SPIDR: variants seen among roughly 807,000 people sequenced by gnomAD.
SPIDR encodes the protein scaffold protein involved in DNA repair.
Under a neutral mutation model 104.6 loss-of-function variants are expected in SPIDR, and 93 were observed. The observed-to-expected ratio is 0.89, with a 90% CI of 0.75 to 1.06. SPIDR has a LOEUF of 1.06. Among genes scored for constraint, SPIDR ranks in the 50% least tolerant of loss-of-function variants. The pLI, the probability that SPIDR is intolerant of heterozygous loss-of-function variation, is 0.00. For synonymous variants in SPIDR, 431 were observed against 416.9 expected (o/e 1.03, Z -0.41); for missense variants, 1,154 against 1,111.2 (o/e 1.04, Z -0.55).
At chr8:47,453,875 A>G (rs987744545) in intron 8 of SPIDR, among the ~76,000 whole-genome samples, 4 of 152,224 alleles carry the variant, frequency 2.6e-5, no homozygotes, top group Admixed American at 6.5e-5. Flanking sequence ...GACACATGAA[A>G]AAATGCTCAT....
intron 5 of SPIDR, among the ~76,000 whole-genome samples, chr8:47,363,199 C>CTTTTTTTTTTT (rs34705214): frequency 1.6e-4 from 13 of 79,694 alleles, no homozygotes; most frequent in African/African-American, 2.1e-4. Flanking sequence ...CTTTATCTCT[C>CTTTTTTTTTTT]TTTTTTTTTT....
chr8:47,693,997 C>T (rs960648717), intron 11 of SPIDR, among the ~76,000 whole-genome samples: 5 of 152,190 alleles, frequency 3.3e-5, no homozygotes, highest in African/African-American at 7.2e-5. Context: ...CCTTTCCGGT[C>T]CAGAGAGACT....
intron 9 of SPIDR, among the ~76,000 whole-genome samples, chr8:47,597,045 C>G (rs1416711729): frequency 6.6e-6 from 1 of 152,128 alleles, no homozygotes; most frequent in Admixed American, 6.5e-5. Context: ...TCTGAAGTAC[C>G]TGTCTAAGGA....
At chr8:47,615,071 A>AT (rs879305298) in intron 10 of SPIDR, among the ~76,000 whole-genome samples, 1,914 of 144,252 alleles carry the variant, frequency 0.013, 35 homozygotes, top group African/African-American at 0.042. Context: ...AGAAGTTTTA[A>AT]TTTTTTTTTT....
At chr8:47,546,866 C>T (rs1350756981) in intron 8 of SPIDR, 3 of 396,202 alleles carry the variant, frequency 7.6e-6, no homozygotes, top group Non-Finnish European at 1.5e-5. Flanking sequence ...GAGGCGTATA[C>T]GTTTCCTCAG....
intron 16 of SPIDR, among the ~76,000 whole-genome samples, chr8:47,719,627 T>C (rs752807486): frequency 2.0e-5 from 3 of 152,116 alleles, no homozygotes; most frequent in Non-Finnish European, 2.9e-5. Flanking sequence ...GCCCAGGCAC[T>C]GGGCTAACAA....
intron 10 of SPIDR, among the ~76,000 whole-genome samples, chr8:47,637,308 G>A (rs554934646): frequency 2.0e-5 from 3 of 152,242 alleles, no homozygotes; most frequent in Admixed American, 6.5e-5. Context: ...GGTGGCTTAC[G>A]CCTGCAATCC....
intron 5 of SPIDR, among the ~76,000 whole-genome samples, chr8:47,382,018 T>G (rs1554645677): frequency 6.6e-6 from 1 of 152,254 alleles, no homozygotes; most frequent in Admixed American, 6.5e-5. Context: ...TTGCTCTTGG[T>G]GTGACCTTTC....
chr8:47,496,235 A>G (rs1234388340), intron 8 of SPIDR, among the ~76,000 whole-genome samples: 1 of 152,142 alleles, frequency 6.6e-6, no homozygotes, highest in African/African-American at 2.4e-5. Flanking sequence ...AATGTCGAAT[A>G]GAAGTGTCAG....
rs553296666 is a variant in SPIDR at position 47,266,029 on chromosome 8, C to T, written c.33+5038C>T. Among the ~76,000 whole-genome samples the T allele has an allele frequency of 7.9e-5, 12 of 151,730 alleles. No homozygotes were observed. In the East Asian group the frequency reaches 1.7e-3, roughly 22 times the overall value. ...CATCCCAAAGTGCTGGGATGACAGGCGTGAGCCACCATGCCCGGTCTGAAG... is the reference window on the plus strand; with the variant it reads ...CATCCCAAAGTGCTGGGATGACAGGTGTGAGCCACCATGCCCGGTCTGAAG... On this transcript the variant is annotated intron_variant, in intron 1 of 19. Transcript: ENST00000297423.
chr8:47,530,710 C>G (rs1338846915), intron 8 of SPIDR, among the ~76,000 whole-genome samples: 1 of 151,682 alleles, frequency 6.6e-6, no homozygotes, highest in Non-Finnish European at 1.5e-5. Flanking sequence ...CTAGGCTACA[C>G]TAAATTTATA....
At chr8:47,553,534 A>G (rs1253097992) in intron 8 of SPIDR, among the ~76,000 whole-genome samples, 1 of 152,196 alleles carries the variant, frequency 6.6e-6, no homozygotes, top group Non-Finnish European at 1.5e-5. Flanking sequence ...AGTTGATTGA[A>G]TCAGCTTCTG....
intron 12 of SPIDR, among the ~76,000 whole-genome samples, chr8:47,701,431 A>G (rs1394016745): frequency 6.6e-6 from 1 of 152,212 alleles, no homozygotes; most frequent in Non-Finnish European, 1.5e-5. Context: ...CTGTCTCAAA[A>G]AAAAGCCATT....
intron 10 of SPIDR, among the ~76,000 whole-genome samples, chr8:47,632,278 T>C (rs1383360373): frequency 1.3e-5 from 2 of 152,172 alleles, no homozygotes; most frequent in Non-Finnish European, 2.9e-5. Context: ...TTTCGCCTAC[T>C]CTGAAATTTG....
chr8:47,297,070 C>G (rs2040979747), intron 5 of SPIDR, among the ~76,000 whole-genome samples: 1 of 152,134 alleles, frequency 6.6e-6, no homozygotes, highest in Non-Finnish European at 1.5e-5. Context: ...GATTTTGTAT[C>G]CTGCAACTTT....
intron 8 of SPIDR, among the ~76,000 whole-genome samples, chr8:47,456,463 T>C (rs1554709870): frequency 6.6e-6 from 1 of 152,154 alleles, no homozygotes; most frequent in Non-Finnish European, 1.5e-5. Flanking sequence ...TTTAAAACTT[T>C]CAAATTACCG....
At chr8:47,514,780 GTTATAT>G (rs2082867576) in intron 8 of SPIDR, among the ~76,000 whole-genome samples, 1 of 152,120 alleles carries the variant, frequency 6.6e-6, no homozygotes, top group Non-Finnish European at 1.5e-5. Context: ...TATACTACAA[GTTATAT>G]TTGTATGTGC....
chr8:47,545,716 T>C (rs1307780596), intron 8 of SPIDR, among the ~76,000 whole-genome samples: 2 of 152,180 alleles, frequency 1.3e-5, no homozygotes, highest in Admixed American at 1.3e-4. Context: ...TTCCTAATCT[T>C]AGAGGAAAGT....
At chr8:47,413,833 C>A (rs961538559) in intron 7 of SPIDR, among the ~76,000 whole-genome samples, 4 of 152,044 alleles carry the variant, frequency 2.6e-5, no homozygotes, top group Non-Finnish European at 4.4e-5. Context: ...ATAAAAAAAA[C>A]TGTAGGTTGA....
Sources: gnomAD v4.1 joint callset for allele counts (sites outside exome capture counted in the v4.1 genomes callset) on GRCh38, gnomAD v4.1.1 for gene constraint, MANE v1.5 for transcripts, NCBI Gene and HGNC (gene_info 2026-07-23, HGNC 2026-07-21) for gene names.